SLC13A4: variants seen among roughly 807,000 people sequenced by gnomAD.
SLC13A4 encodes Na(+)/sulfate cotransporter SUT-1.
SLC13A4 carries 28 observed loss-of-function variants against 72.7 expected under a neutral mutation model. The ratio of observed to expected loss-of-function variants is 0.39; its 90% CI spans 0.29 to 0.53. The LOEUF (loss-of-function observed/expected upper bound fraction) is 0.53. Ranked by LOEUF, SLC13A4 falls within the 20% of genes least tolerant of loss-of-function variation. The pLI is 0.78. For synonymous variants in SLC13A4, 312 were observed against 325.5 expected (o/e 0.96, Z 0.45); for missense variants, 653 against 788.0 (o/e 0.83, Z 2.05).
chr7:135,714,794 G>A (rs1405003181), intron 2 of SLC13A4, among the ~76,000 whole-genome samples: 1 of 152,238 alleles, frequency 6.6e-6, no homozygotes, highest in African/African-American at 2.4e-5. Flanking sequence ...GCGGATTGAT[G>A]ACAGCCGACT....
At chr7:135,691,852 G>C (rs1050338297) in intron 11 of SLC13A4, 3 of 525,710 alleles carry the variant, frequency 5.7e-6, no homozygotes, top group Admixed American at 6.5e-5. Context: ...GGCCTGGCTA[G>C]AGTAGATGTC....
rs1168643619 is a variant in SLC13A4, at chr7:135,693,609, A to T, written c.1121+528T>A. ...TGTATGTGCCAATTGCCATAAAAGG[A>T]GAAATAGCACTAAATAGGAAGCTGG... On this transcript the variant is annotated intron_variant, in intron 10 of 15. Transcript: ENST00000682651. Among the ~76,000 whole-genome samples, 40 of 152,208 alleles carry T rather than the reference A, an allele frequency of 2.6e-4. 1 individual carries two copies. Among genetic ancestry groups the T allele is most frequent in the Admixed American group, 2.6e-3 (40 of 15,268 alleles).
At chr7:135,718,087 A>G (rs570335958) in intron 2 of SLC13A4, among the ~76,000 whole-genome samples, 1,722 of 83,382 alleles carry the variant, frequency 0.021, 14 homozygotes, top group Middle Eastern at 0.044. Context: ...ACACACACAC[A>G]CGCGCGCGCG....
At chr7:135,707,962 C>T in intron 3 of SLC13A4, 152 bp downstream of exon 3, 1 of 849,652 alleles carries the variant, frequency 1.2e-6, no homozygotes, top group Non-Finnish European at 1.8e-6. Flanking sequence ...GGCCCTCTCC[C>T]TGGACGGGTC....
chr7:135,723,346 G>T (rs554752638), intron 1 of SLC13A4, among the ~76,000 whole-genome samples: 1 of 152,212 alleles, frequency 6.6e-6, no homozygotes, highest in African/African-American at 2.4e-5. Flanking sequence ...ATTCTTATCA[G>T]AAGCCAGCCC....
rs1563164786 is a variant in SLC13A4, at chr7:135,706,378, C to A, written c.366-78G>T. On this transcript the variant is annotated intron_variant, in intron 3 of 15. Transcript: ENST00000682651. ...GGCTCCACAGTGGGCCTCCTACCAA[C>A]CTGCTGGGGCTGGTCTAGACAGCTG... 3 of 1,454,016 alleles carry A rather than the reference C, an allele frequency of 2.1e-6. No individual in the cohort carries two copies. The East Asian group carries it at 7.0e-5, about 34-fold the overall frequency. The allele number at this position is 1,454,016 out of a possible 1,614,324, so 90.1% of individuals were successfully genotyped here.
intron 13 of SLC13A4, among the ~76,000 whole-genome samples, chr7:135,687,813 T>C (rs941478544): frequency 4.8e-5 from 7 of 146,306 alleles, no homozygotes; most frequent in African/African-American, 1.9e-4. Context: ...AGTGAAATAA[T>C]TTTTTTTTTC....
intron 15 of SLC13A4, 54 bp downstream of exon 15, chr7:135,684,070 C>CA: frequency 6.6e-7 from 1 of 1,524,160 alleles, no homozygotes; most frequent in East Asian, 2.3e-5. Context: ...GCAGAGCTGT[C>CA]ATCCCTGTCC....
Position 135,695,284 on chromosome 7 carries a change from C to T in SLC13A4, c.1019+84G>A. 2 of 1,578,004 alleles carry T rather than the reference C, an allele frequency of 1.3e-6. 1 individual carries two copies. Among genetic ancestry groups the T allele is most frequent in the Middle Eastern group, 4.4e-4 (2 of 4,508 alleles). ...TGTGGTTACTTGGCAGTCCCCCTTG[C>T]ACAGAGCCATCCAGGGCCCATGCCA... is the stretch of plus-strand genomic sequence containing the variant. On this transcript the variant is annotated intron_variant, in intron 9 of 15. Coordinates refer to ENST00000682651, the MANE Select transcript of SLC13A4 (RefSeq NM_001318192.2).
chr7:135,707,192 T>C (rs1297849664), intron 3 of SLC13A4, among the ~76,000 whole-genome samples: 1 of 151,874 alleles, frequency 6.6e-6, no homozygotes, highest in Non-Finnish European at 1.5e-5. Flanking sequence ...GGAGTGGAAA[T>C]GTGAGAGGAT....
chr7:135,708,714 A>G (rs1196252446), intron 2 of SLC13A4, among the ~76,000 whole-genome samples: 1 of 152,140 alleles, frequency 6.6e-6, no homozygotes, highest in Non-Finnish European at 1.5e-5. Flanking sequence ...CATACTCAGT[A>G]TGGAAAACTT....
At chr7:135,706,401 C>T (rs1796163410) in intron 3 of SLC13A4, 101 bp from the exon 4 acceptor site, 1 of 1,269,576 alleles carries the variant, frequency 7.9e-7, no homozygotes, top group African/African-American at 1.5e-5. Context: ...GTCTAGACAG[C>T]TGTGGCTGGA....
intron 2 of SLC13A4, among the ~76,000 whole-genome samples, chr7:135,711,780 CAG>C (rs936528794): frequency 4.6e-5 from 7 of 151,876 alleles, no homozygotes; most frequent in Non-Finnish European, 7.4e-5. Context: ...TTTTTTGAGA[CAG>C]AGAGTTGTTC....
chr7:135,695,328 G>A (rs200922150), intron 9 of SLC13A4, 40 bp downstream of exon 9: 377 of 1,611,876 alleles, frequency 2.3e-4, no homozygotes, highest in Non-Finnish European at 2.8e-4. Context: ...GGATCAACAG[G>A]GGGGCTTCAG....
intron 2 of SLC13A4, among the ~76,000 whole-genome samples, chr7:135,715,740 A>G (rs1796420767): frequency 6.6e-6 from 1 of 152,248 alleles, no homozygotes; most frequent in African/African-American, 2.4e-5. Context: ...TGATTGACAC[A>G]GGTATCATGC....
intron 6 of SLC13A4, chr7:135,702,606 C>A: frequency 2.1e-6 from 1 of 472,116 alleles, no homozygotes; most frequent in South Asian, 2.3e-5. Context: ...GAACTCCTGG[C>A]CTCAAGTGGT....
In SLC13A4 at chr7:135,684,125, A is replaced by G; in HGVS notation, c.1745T>C (p.Met582Thr). The G allele has an allele frequency of 6.2e-7, 1 of 1,602,608 alleles. No individual in the cohort carries two copies. Among genetic ancestry groups the G allele is most frequent in the Non-Finnish European group, 8.5e-7 (1 of 1,172,132 alleles). The change falls in exon 15 of 16, where the codon ATG becomes ACG. Residue 582 changes from methionine to threonine, a missense_variant and splice_region_variant. Physicochemically the swap from Met to Thr is moderately conservative, Grantham distance 81 (BLOSUM62 -1). Transcript: ENST00000682651. The stretch of plus-strand genomic sequence containing the variant: ...CAGGGAGAGGGCACCCCAACTCACC[A>G]TATCTTTGATCTGGCAGTGCCCATA... Reference protein sequence around the residue: ...FSYGHCQIKDMVKAGLGVNVI... With the variant: ...FSYGHCQIKDTVKAGLGVNVI...
intron 2 of SLC13A4, among the ~76,000 whole-genome samples, chr7:135,719,956 G>GGAGA (rs10700387): frequency 0.039 from 5,268 of 135,790 alleles, 117 homozygotes; most frequent in South Asian, 0.067. Flanking sequence ...GGAGTTGGGG[G>GGAGA]GAGAGAGAGA....
At chr7:135,695,322 C>T (rs978318944) in intron 9 of SLC13A4, 46 bp downstream of exon 9, 22 of 1,610,446 alleles carry the variant, frequency 1.4e-5, no homozygotes, top group Admixed American at 1.7e-5. Flanking sequence ...GCCTTTGGAT[C>T]AACAGGGGGG....
Sources: allele counts gnomAD v4.1 joint callset (sites outside exome capture counted in the v4.1 genomes callset), GRCh38; gene constraint gnomAD v4.1.1; transcripts MANE v1.5; gene names NCBI Gene and HGNC (gene_info 2026-07-23, HGNC 2026-07-21).